The following NLRP3 variants were observed in gnomAD, a reference collection of about 807,000 sequenced individuals.
NLRP3 encodes the protein NLR family pyrin domain containing 3, also known as NACHT, LRR and PYD domains-containing protein 3.
Under a neutral mutation model 91.3 loss-of-function variants are expected in NLRP3, and 48 were observed. The ratio of observed to expected loss-of-function variants is 0.53; its 90% confidence interval spans 0.42 to 0.67. The LOEUF (loss-of-function observed/expected upper bound fraction) is 0.67. NLRP3 is among the 30% of genes least tolerant of loss of function. The pLI is 0.00. For synonymous variants in NLRP3, 561 were observed against 507.9 expected (o/e 1.10, Z -1.41); for missense variants, 982 against 1,276.9 (o/e 0.77, Z 3.52).
intron 2 of NLRP3, among the ~76,000 whole-genome samples, chr1:247,419,316 C>T (rs897629404): frequency 7.2e-5 from 11 of 151,896 alleles, no homozygotes; most frequent in African/African-American, 1.5e-4. Flanking sequence ...CCTCCACGCC[C>T]GGCTAATTTT....
intron 8 of NLRP3, 40 bp from the exon 9 acceptor site, chr1:247,444,611 G>T (rs201595921): frequency 6.2e-7 from 1 of 1,609,120 alleles, no homozygotes; most frequent in African/African-American, 1.3e-5. Flanking sequence ...TAGGGGGATG[G>T]TTAAGGGGAC....
intron 3 of NLRP3, among the ~76,000 whole-genome samples, 193 bp downstream of exon 3, chr1:247,423,542 A>G (rs949392663): frequency 3.9e-5 from 6 of 152,188 alleles, no homozygotes; most frequent in Non-Finnish European, 8.8e-5. Flanking sequence ...TCCCAGAGCC[A>G]GCGGCGGTGA....
At chr1:247,426,549 T>C (rs1662903522) in intron 4 of NLRP3, among the ~76,000 whole-genome samples, 1 of 152,114 alleles carries the variant, frequency 6.6e-6, no homozygotes, top group East Asian at 1.9e-4. Flanking sequence ...CAGGCAACAA[T>C]GAGTTTCAGC....
intron 5 of NLRP3, among the ~76,000 whole-genome samples, chr1:247,432,803 A>T (rs758233156): frequency 5.3e-5 from 8 of 152,080 alleles, no homozygotes; most frequent in Admixed American, 1.3e-4. Flanking sequence ...CATGACAGGG[A>T]TAAAGTATAG....
chr1:247,424,620 A>C lies in NLRP3; in HGVS notation c.1171A>C (p.Arg391=), dbSNP rs1330548729. The stretch of plus-strand genomic sequence containing the variant: ...GTACTTCTCTGATGAGGCCCAAGCC[A>C]GGGCAGCCTTCAGTCTGATTCAGGA... ...FKYFSDEAQA[R]AAFSLIQENE... Residue 391 remains arginine, a synonymous_variant, in exon 4 of 10, where the codon AGG becomes CGG. Coordinates refer to ENST00000336119, the MANE Select transcript of NLRP3 (RefSeq NM_001243133.2). The surrounding 1 kb of genome is among the most constrained non-coding windows in gnomAD (Gnocchi z 8.1). 1 of 1,614,138 alleles carries C rather than the reference A, an allele frequency of 6.2e-7. No individual in the cohort carries two copies. The highest frequency in any genetic ancestry group is 1.3e-5 in the African/African-American group (1 of 74,942).
Position 247,444,821 on chromosome 1 carries a change from G to C in NLRP3, c.3005G>C (p.Gly1002Ala). ...CAGAGCTGCCTCCTGCAGAACCTGGGGTGAGTGTGCTCTGCAGAGATGCCC... is the reference window on the plus strand; with the variant it reads ...CAGAGCTGCCTCCTGCAGAACCTGGCGTGAGTGTGCTCTGCAGAGATGCCC... ...KQQSCLLQNL[G>A]LSEMYFNYET... The change falls in exon 9 of 10, where the codon GGG (glycine) becomes GCG (alanine). Residue 1002 changes from glycine (G) to alanine (A), a missense_variant and splice_region_variant. Gly to Ala is a moderately conservative substitution (Grantham distance 60, BLOSUM62 0). Coordinates refer to ENST00000336119, the MANE Select transcript of NLRP3 (RefSeq NM_001243133.2). The C allele has an allele frequency of 6.2e-7, 1 of 1,613,660 alleles. No individual in the cohort carries two copies. Among genetic ancestry groups the C allele is most frequent in the Non-Finnish European group, 8.5e-7 (1 of 1,179,982 alleles).
intron 5 of NLRP3, 91 bp downstream of exon 5, chr1:247,429,846 T>C: frequency 6.7e-7 from 1 of 1,495,742 alleles, no homozygotes; most frequent in Non-Finnish European, 9.3e-7. Context: ...CAGGACCAGG[T>C]TGCTGGTGTG....
At chr1:247,437,023 G>A (rs536106495) in intron 7 of NLRP3, among the ~76,000 whole-genome samples, 1 of 152,220 alleles carries the variant, frequency 6.6e-6, no homozygotes, top group Non-Finnish European at 1.5e-5. Context: ...CACTCAGAGA[G>A]AAGGTAGTGG....
intron 2 of NLRP3, among the ~76,000 whole-genome samples, chr1:247,420,237 T>C (rs1429563216): frequency 2.0e-5 from 3 of 152,164 alleles, no homozygotes; most frequent in Non-Finnish European, 4.4e-5. Flanking sequence ...CTGTTCAAGT[T>C]CTTTTCTCAT....
intron 7 of NLRP3, among the ~76,000 whole-genome samples, chr1:247,440,542 C>T (rs922971474): frequency 5.3e-5 from 8 of 152,126 alleles, no homozygotes; most frequent in African/African-American, 1.9e-4. Flanking sequence ...CTGATACTGC[C>T]CTCTCTCCTG....
chr1:247,445,451 C>T (rs1395157448), intron 9 of NLRP3, among the ~76,000 whole-genome samples: 2 of 152,172 alleles, frequency 1.3e-5, no homozygotes, highest in East Asian at 1.9e-4. Flanking sequence ...CTGCCTGCCT[C>T]GGCCTCCCCA....
chr1:247,435,933 G>A (rs778373336), intron 6 of NLRP3, 37 bp from the exon 7 acceptor site: 2 of 1,607,992 alleles, frequency 1.2e-6, no homozygotes, highest in Admixed American at 1.7e-5. Context: ...GAGCGTGGGT[G>A]AGAGACATGA....
chr1:247,427,380 A>T (rs1339577684), intron 4 of NLRP3, among the ~76,000 whole-genome samples: 1 of 152,250 alleles, frequency 6.6e-6, no homozygotes, highest in Non-Finnish European at 1.5e-5. Context: ...AGTAGGCAGA[A>T]CTACTCATTA....
intron 7 of NLRP3, among the ~76,000 whole-genome samples, chr1:247,441,718 G>T (rs1218117570): frequency 1.3e-5 from 2 of 152,194 alleles, no homozygotes; most frequent in Non-Finnish European, 2.9e-5. Context: ...GTGGGACATG[G>T]TTGTTTGATT....
At chr1:247,419,123 A>G (rs373684232) in intron 2 of NLRP3, 46 bp downstream of exon 2, 8 of 1,530,938 alleles carry the variant, frequency 5.2e-6, no homozygotes, top group Non-Finnish European at 7.1e-6. Flanking sequence ...CCAAGTGCAC[A>G]TAGTGTACAA....
intron 1 of NLRP3, among the ~76,000 whole-genome samples, chr1:247,416,456 GATTTGCCCAGT>G (rs1236488087): frequency 9.7e-4 from 147 of 152,300 alleles, no homozygotes; most frequent in African/African-American, 3.2e-3. Context: ...GACTTCAGCA[GATTTGCCCAGT>G]ATCCCTCCCA....
intron 8 of NLRP3, 99 bp downstream of exon 8, chr1:247,444,241 G>GACACCTCACTTC: frequency 8.1e-7 from 1 of 1,239,846 alleles, no homozygotes. Context: ...TATCTTAGAA[G>GACACCTCACTTC]TGAGGTGTCT....
chr1:247,434,476 GA>G (rs1386605514), intron 6 of NLRP3, among the ~76,000 whole-genome samples: 2 of 152,162 alleles, frequency 1.3e-5, no homozygotes, highest in African/African-American at 2.4e-5. Context: ...CCCTGACAAG[GA>G]GCATAAATAA....
intron 7 of NLRP3, among the ~76,000 whole-genome samples, chr1:247,436,380 A>T (rs1299532186): frequency 1.3e-5 from 2 of 152,214 alleles, no homozygotes; most frequent in Non-Finnish European, 2.9e-5. Context: ...AACCTTAGAG[A>T]TGGTGCAGCC....
Sources: gnomAD v4.1 joint callset for allele counts (sites outside exome capture counted in the v4.1 genomes callset) on GRCh38, gnomAD v4.1.1 for gene constraint, Gnocchi (gnomAD v3.1) non-coding constraint, MANE v1.5 for transcripts, NCBI Gene and HGNC (gene_info 2026-07-23, HGNC 2026-07-21) for gene names.